Variants in SDHAF2 observed in about 807,000 individuals in gnomAD.
SDHAF2 encodes the protein succinate dehydrogenase complex assembly factor 2.
A neutral mutation model predicts 18.5 loss-of-function variants in SDHAF2; 21 were observed. The observed-to-expected ratio is 1.13, with a 90% CI of 0.80 to 1.63. The LOEUF (loss-of-function observed/expected upper bound fraction) is 1.63. Ranked by LOEUF, SDHAF2 falls within the 40% of genes most tolerant of loss-of-function variation. SDHAF2 has a pLI of 0.00. For synonymous variants in SDHAF2, 84 were observed against 70.7 expected, an observed-to-expected ratio of 1.19 and a Z score of -0.94; for missense variants, 195 against 200.3, an observed-to-expected ratio of 0.97 and a Z score of 0.16.
chr11:61,437,524 TA>T, intron 1 of SDHAF2, 100 bp from the exon 2 acceptor site: 1 of 1,056,282 alleles, frequency 9.5e-7, no homozygotes, highest in Non-Finnish European at 1.5e-6. Context: ...TCCTCATGAC[TA>T]AATGTGATTG....
chr11:61,434,085 G>A (rs185135709), intron 1 of SDHAF2: 4 of 152,184 alleles, frequency 2.6e-5, no homozygotes, highest in African/African-American at 7.2e-5. Flanking sequence ...ATTAAAATAC[G>A]TCGCAGTATG....
At chr11:61,438,675 T>G (rs1441630841) in intron 3 of SDHAF2, among the ~76,000 whole-genome samples, 1 of 152,182 alleles carries the variant, frequency 6.6e-6, no homozygotes, top group African/African-American at 2.4e-5. Flanking sequence ...GCTCACAGTA[T>G]CAAAGGTTGA....
chr11:61,444,818 C>T (rs1181219866), intron 3 of SDHAF2, among the ~76,000 whole-genome samples: 1 of 152,192 alleles, frequency 6.6e-6, no homozygotes, highest in Non-Finnish European at 1.5e-5. Flanking sequence ...CTTCCTGTGC[C>T]TGCCACAGGT....
chr11:61,435,922 A>G (rs1590763914), intron 1 of SDHAF2: 1 of 152,498 alleles, frequency 6.6e-6, no homozygotes, highest in East Asian at 1.9e-4. Context: ...CGGGAGTTCG[A>G]GACCAGCCTG....
intron 3 of SDHAF2, among the ~76,000 whole-genome samples, chr11:61,438,773 A>C (rs1204134268): frequency 6.6e-6 from 1 of 152,144 alleles, no homozygotes; most frequent in South Asian, 2.1e-4. Context: ...GGCCGGCCGC[A>C]GTGGCTCATG....
chr11:61,434,994 G>A (rs2134889045), intron 1 of SDHAF2: 1 of 152,116 alleles, frequency 6.6e-6, no homozygotes, highest in South Asian at 2.1e-4. Context: ...GCCTCCCAAA[G>A]TGCTGGGATT....
At chr11:61,442,282 G>T (rs1565129836) in intron 3 of SDHAF2, among the ~76,000 whole-genome samples, 1 of 152,144 alleles carries the variant, frequency 6.6e-6, no homozygotes, top group African/African-American at 2.4e-5. Flanking sequence ...CACTTCTACC[G>T]CCAGCTCTTA....
chr11:61,438,204 C>CAT, intron 3 of SDHAF2, 91 bp downstream of exon 3: 2 of 736,050 alleles, frequency 2.7e-6, no homozygotes, highest in Non-Finnish European at 4.4e-6. Flanking sequence ...TTTTTTCTTT[C>CAT]TTTTTTTTTT....
intron 1 of SDHAF2, chr11:61,436,810 A>C: frequency 1.8e-6 from 2 of 1,105,748 alleles, no homozygotes; most frequent in Non-Finnish European, 2.4e-6. Context: ...TCGGGGAAGG[A>C]GGATCTGGGG....
intron 1 of SDHAF2, chr11:61,432,655 C>A (rs1020687368): frequency 2.0e-5 from 3 of 151,420 alleles, no homozygotes; most frequent in African/African-American, 7.3e-5. Context: ...CCTTTTTGCT[C>A]CTCTTTTCCA....
At chr11:61,430,616 TAATCA>T (rs1861866045) in intron 1 of SDHAF2, 2 of 203,938 alleles carry the variant, frequency 9.8e-6, no homozygotes, top group South Asian at 2.1e-4. Context: ...GTACATCGAA[TAATCA>T]AATCAGCGTA....
At chr11:61,438,391 G>A (rs377063764) in intron 3 of SDHAF2, 1 of 537,730 alleles carries the variant, frequency 1.9e-6, no homozygotes, top group Non-Finnish European at 3.3e-6. Context: ...TAGAGACAGG[G>A]TTTCTCTGTG....
intron 3 of SDHAF2, chr11:61,438,365 A>C: frequency 1.7e-6 from 1 of 581,246 alleles, no homozygotes; most frequent in East Asian, 2.9e-5. Context: ...ACACCCGGGT[A>C]ATTTTATATT....
At chr11:61,440,398 G>A (rs560590160) in intron 3 of SDHAF2, among the ~76,000 whole-genome samples, 17 of 152,198 alleles carry the variant, frequency 1.1e-4, no homozygotes, top group African/African-American at 3.1e-4. Flanking sequence ...CCAGGAGATC[G>A]AGACCTTCCT....
At chr11:61,444,244 T>G (rs1862108685) in intron 3 of SDHAF2, 1 of 152,220 alleles carries the variant, frequency 6.6e-6, no homozygotes, top group Non-Finnish European at 1.5e-5. Flanking sequence ...AGGTGTCTGC[T>G]GTAAAGTTGG....
At chr11:61,436,801 C>A in intron 1 of SDHAF2, 1 of 1,042,040 alleles carries the variant, frequency 9.6e-7, no homozygotes, top group Non-Finnish European at 1.3e-6. Context: ...GTGTCTCCAT[C>A]GGGGAAGGAG....
At chr11:61,441,866 T>C (rs915368958) in intron 3 of SDHAF2, among the ~76,000 whole-genome samples, 2 of 146,356 alleles carry the variant, frequency 1.4e-5, no homozygotes, top group Non-Finnish European at 3.0e-5. Context: ...CTCTTCAAAT[T>C]CCGCCCCCCA....
intron 3 of SDHAF2, among the ~76,000 whole-genome samples, chr11:61,441,069 A>C (rs1315500477): frequency 6.6e-6 from 1 of 152,058 alleles, no homozygotes; most frequent in Non-Finnish European, 1.5e-5. Flanking sequence ...TTGGTGGTGC[A>C]CACTGTATTC....
At chr11:61,443,499 T>C (rs1011482082) in intron 3 of SDHAF2, among the ~76,000 whole-genome samples, 2 of 152,242 alleles carry the variant, frequency 1.3e-5, no homozygotes, top group African/African-American at 4.8e-5. Context: ...TGCTTACAAT[T>C]GGGGATGCTT....
Sources: gnomAD v4.1 joint callset for allele counts (sites outside exome capture counted in the v4.1 genomes callset) on GRCh38, gnomAD v4.1.1 for gene constraint, MANE v1.5 for transcripts, NCBI Gene and HGNC (gene_info 2026-07-23, HGNC 2026-07-21) for gene names.